CADM1: variants seen among roughly 807,000 people sequenced by gnomAD.
CADM1 encodes cell adhesion molecule 1.
Under a neutral mutation model 53.1 loss-of-function variants are expected in CADM1, and 15 were observed. The observed-to-expected ratio is 0.28, with a 90% CI of 0.19 to 0.44. The LOEUF is 0.44. Among genes scored for constraint, CADM1 ranks in the 20% least tolerant of loss-of-function variants. The pLI is 1.00. For synonymous variants in CADM1, 281 were observed against 243.0 expected (o/e 1.16, Z -1.45); for missense variants, 434 against 611.3 (o/e 0.71, Z 3.06).
intron 1 of CADM1, among the ~76,000 whole-genome samples, chr11:115,343,589 C>T (rs1432124627): frequency 1.3e-5 from 2 of 151,994 alleles, no homozygotes; most frequent in Non-Finnish European, 2.9e-5. Context: ...ATAAATGAAT[C>T]AGCACAATAA....
chr11:115,434,841 T>C (rs1170718383), intron 1 of CADM1, among the ~76,000 whole-genome samples: 1 of 148,160 alleles, frequency 6.7e-6, no homozygotes, highest in Non-Finnish European at 1.5e-5. Flanking sequence ...TCTAAGTATT[T>C]TATTTTATTA....
At chr11:115,256,959 T>C (rs952426877) in intron 1 of CADM1, 1 of 453,954 alleles carries the variant, frequency 2.2e-6, no homozygotes, top group Non-Finnish European at 4.4e-6. Context: ...AGTCGTTAGG[T>C]TTATGGGCAG....
At chr11:115,296,279 G>A (rs561991056) in intron 1 of CADM1, among the ~76,000 whole-genome samples, 52 of 152,166 alleles carry the variant, frequency 3.4e-4, no homozygotes, top group Non-Finnish European at 5.6e-4. Context: ...TAGCCCCACT[G>A]GAAGTGAGTT....
chr11:115,393,973 T>A (rs1158097950), intron 1 of CADM1, among the ~76,000 whole-genome samples: 1 of 152,180 alleles, frequency 6.6e-6, no homozygotes, highest in Non-Finnish European at 1.5e-5. Flanking sequence ...CCTTTCTGGA[T>A]GGTCAGAAGA....
intron 1 of CADM1, among the ~76,000 whole-genome samples, chr11:115,394,861 AC>A (rs1226316692): frequency 3.3e-5 from 5 of 152,194 alleles, no homozygotes; most frequent in African/African-American, 4.8e-5. Context: ...AAATAAAAAA[AC>A]AAAACAAAAC....
At chr11:115,192,548 T>G (rs548740152) in intron 9 of CADM1, among the ~76,000 whole-genome samples, 1 of 152,208 alleles carries the variant, frequency 6.6e-6, no homozygotes, top group Non-Finnish European at 1.5e-5. Flanking sequence ...ATAGGCAACA[T>G]AAAGTACTCC....
At chr11:115,492,315 T>A (rs1949514446) in intron 1 of CADM1, among the ~76,000 whole-genome samples, 1 of 152,110 alleles carries the variant, frequency 6.6e-6, no homozygotes, top group Admixed American at 6.5e-5. Context: ...AAGAAATGTA[T>A]GAAATTGGCA....
chr11:115,220,885 G>C (rs921502107), intron 5 of CADM1, among the ~76,000 whole-genome samples: 1 of 152,166 alleles, frequency 6.6e-6, no homozygotes, highest in African/African-American at 2.4e-5. Context: ...ACTACGATAT[G>C]AATATGTCAA....
chr11:115,436,512 C>T (rs1220861718), intron 1 of CADM1, among the ~76,000 whole-genome samples: 1 of 152,128 alleles, frequency 6.6e-6, no homozygotes, highest in Non-Finnish European at 1.5e-5. Context: ...TTGTCATGAA[C>T]TGTGATTCTT....
chr11:115,203,557 G>C (rs578189538), intron 8 of CADM1, among the ~76,000 whole-genome samples: 1 of 152,072 alleles, frequency 6.6e-6, no homozygotes, highest in South Asian at 2.1e-4. Context: ...TTTTAATTCT[G>C]GGAAACCTGT....
chr11:115,482,073 C>G (rs1031953417), intron 1 of CADM1, among the ~76,000 whole-genome samples: 1 of 152,216 alleles, frequency 6.6e-6, no homozygotes, highest in African/African-American at 2.4e-5. Flanking sequence ...AGCAAACTAT[C>G]TGCAGTTCCC....
chr11:115,324,936 G>T (rs981283701), intron 1 of CADM1, among the ~76,000 whole-genome samples: 1 of 152,146 alleles, frequency 6.6e-6, no homozygotes, highest in African/African-American at 2.4e-5. Flanking sequence ...TGATTCACCT[G>T]CGCCACGTTA....
At position 115,317,983 on chromosome 11, in the gene CADM1, T is replaced by TACACACAC. The variant is rs35753948; in HGVS notation, c.125-77571_125-77564dup. 9.4e-3 allele frequency among the ~76,000 whole-genome samples: 1,403 copies of TACACACAC among 149,180 alleles called. 18 individuals carry two copies. The highest frequency in any genetic ancestry group is 0.033 in the African/African-American group (1,323 of 40,622). ...TTACATTATACATCCTATTACACACTACACACACACACACACACACACACA... is the reference window on the plus strand; with the variant it reads ...TTACATTATACATCCTATTACACACTACACACACACACACACACACACACACACACACA... On this transcript the variant is annotated intron_variant, in intron 1 of 11. Transcript: ENST00000331581.
intron 1 of CADM1, among the ~76,000 whole-genome samples, chr11:115,440,461 A>G (rs1382247628): frequency 6.6e-6 from 1 of 152,256 alleles, no homozygotes; most frequent in African/African-American, 2.4e-5. Flanking sequence ...AAAATCAATC[A>G]AATTCAAAGA....
intron 7 of CADM1, among the ~76,000 whole-genome samples, chr11:115,213,935 C>T (rs1381076504): frequency 2.0e-5 from 3 of 152,076 alleles, no homozygotes; most frequent in African/African-American, 7.2e-5. Flanking sequence ...GCAAAATCAA[C>T]AGTAAGTTAT....
At chr11:115,317,431 C>G (rs1944697545) in intron 1 of CADM1, among the ~76,000 whole-genome samples, 1 of 152,190 alleles carries the variant, frequency 6.6e-6, no homozygotes, top group Non-Finnish European at 1.5e-5. Context: ...ATTTATCACA[C>G]TAACACGCCT....
At chr11:115,352,159 T>A (rs1945754036) in intron 1 of CADM1, among the ~76,000 whole-genome samples, 1 of 152,154 alleles carries the variant, frequency 6.6e-6, no homozygotes, top group Admixed American at 6.5e-5. Flanking sequence ...CATAACAAAA[T>A]CTCTGAAACT....
At chr11:115,469,053 G>A (rs915525712) in intron 1 of CADM1, among the ~76,000 whole-genome samples, 6 of 152,114 alleles carry the variant, frequency 3.9e-5, no homozygotes, top group South Asian at 2.1e-4. Flanking sequence ...CCCACAACAC[G>A]TGGAAATTAT....
chr11:115,466,135 C>A (rs964599621), intron 1 of CADM1, among the ~76,000 whole-genome samples: 10 of 152,248 alleles, frequency 6.6e-5, no homozygotes, highest in African/African-American at 2.2e-4. Flanking sequence ...CACCATTTCC[C>A]CCACCCTGTG....
Sources: gnomAD v4.1 joint callset for allele counts (sites outside exome capture counted in the v4.1 genomes callset) on GRCh38, gnomAD v4.1.1 for gene constraint, MANE v1.5 for transcripts, NCBI Gene and HGNC (gene_info 2026-07-23, HGNC 2026-07-21) for gene names.